The following NUS1 variants were observed in gnomAD, a reference collection of about 807,000 sequenced individuals.
The protein encoded by NUS1 is dehydrodolichyl diphosphate synthase complex subunit NUS1.
For synonymous variants in NUS1, 135 were observed against 155.2 expected (o/e 0.87, Z 0.97); for missense variants, 292 against 382.9 (o/e 0.76, Z 1.98).
chr6:117,676,503 G>C (rs1373799377), intron 1 of NUS1, among the ~76,000 whole-genome samples: 1 of 152,162 alleles, frequency 6.6e-6, no homozygotes, highest in Non-Finnish European at 1.5e-5. Flanking sequence ...GCTGGAACCC[G>C]GGAGGCGGAG....
chr6:117,707,158 T>C lies in NUS1; in HGVS notation c.*143T>C. ...TATCAACAAACACAAAAAAGTGTCT[T>C]ACTTGAGAGTGAGTGTGTGTGTGTG... On this transcript the variant is annotated 3_prime_UTR_variant, in exon 5 of 5. Coordinates refer to ENST00000368494, the MANE Select transcript of NUS1 (RefSeq NM_138459.5). 1.4e-6 allele frequency: 1 copy of C among 714,064 alleles called. No homozygotes were observed. Among genetic ancestry groups the C allele is most frequent in the South Asian group, 1.6e-5 (1 of 61,486 alleles). 44.2% of individuals were successfully genotyped at this position (714,064 alleles called of 1,614,324 possible).
chr6:117,675,557 G>A lies in NUS1; in HGVS notation c.-114G>A. ...TGGCAGTGGAAAGGGGTTCGGGCTC[G>A]GGGGGCGGGGGGACGCGGAGCGATG... On this transcript the variant is annotated 5_prime_UTR_variant, in exon 1 of 5. Coordinates refer to ENST00000368494, the MANE Select transcript of NUS1 (RefSeq NM_138459.5). 4 of 1,129,608 alleles carry A rather than the reference G, an allele frequency of 3.5e-6. No individual in the cohort carries two copies. Among genetic ancestry groups the A allele is most frequent in the Non-Finnish European group, 5.0e-6 (4 of 800,230 alleles). 70.0% of individuals were successfully genotyped at this position (1,129,608 alleles called of 1,614,324 possible).
At chr6:117,680,327 A>G (rs1470132886) in intron 1 of NUS1, among the ~76,000 whole-genome samples, 4 of 152,192 alleles carry the variant, frequency 2.6e-5, no homozygotes, top group Non-Finnish European at 5.9e-5. Context: ...GTTGGGGTAA[A>G]TGGATTTTAT....
chr6:117,691,532 TCAG>T (rs1249290236), intron 1 of NUS1, among the ~76,000 whole-genome samples: 13 of 139,926 alleles, frequency 9.3e-5, no homozygotes, highest in African/African-American at 3.4e-4. Flanking sequence ...TACAGTATAT[TCAG>T]CAGGTTCTGT....
intron 1 of NUS1, among the ~76,000 whole-genome samples, chr6:117,692,552 C>T (rs1200421077): frequency 1.3e-5 from 2 of 152,022 alleles, no homozygotes; most frequent in South Asian, 2.1e-4. Flanking sequence ...TCTCTTTTTA[C>T]GTAATCCTTA....
intron 1 of NUS1, among the ~76,000 whole-genome samples, chr6:117,685,549 G>T (rs890537435): frequency 6.6e-6 from 1 of 151,900 alleles, no homozygotes; most frequent in Non-Finnish European, 1.5e-5. Context: ...ACAGGGTCTT[G>T]CTACATTGCT....
chr6:117,685,809 A>T (rs1032544401), intron 1 of NUS1, among the ~76,000 whole-genome samples: 4 of 152,158 alleles, frequency 2.6e-5, no homozygotes, highest in Non-Finnish European at 5.9e-5. Flanking sequence ...AAAGAATTCA[A>T]ATATCTGTTT....
chr6:117,683,139 C>T (rs927175870), intron 1 of NUS1, among the ~76,000 whole-genome samples: 2 of 152,074 alleles, frequency 1.3e-5, no homozygotes, highest in Admixed American at 6.6e-5. Flanking sequence ...AACAAGATGC[C>T]GAAAAAACCC....
At chr6:117,676,373 G>A (rs1772981705) in intron 1 of NUS1, among the ~76,000 whole-genome samples, 1 of 152,240 alleles carries the variant, frequency 6.6e-6, no homozygotes, top group East Asian at 1.9e-4. Flanking sequence ...GAGGTCGGGA[G>A]TTCGAGACCA....
chr6:117,679,597 A>G (rs571804509), intron 1 of NUS1, among the ~76,000 whole-genome samples: 2 of 152,296 alleles, frequency 1.3e-5, no homozygotes, highest in African/African-American at 2.4e-5. Flanking sequence ...CTGGGACCCA[A>G]AGGTTTCTCC....
intron 3 of NUS1, among the ~76,000 whole-genome samples, chr6:117,697,437 A>G (rs1342123570): frequency 6.6e-6 from 1 of 152,120 alleles, no homozygotes; most frequent in Non-Finnish European, 1.5e-5. Flanking sequence ...AAAGACACAC[A>G]GACTGAAAAT....
intron 3 of NUS1, among the ~76,000 whole-genome samples, chr6:117,699,869 TCA>T: frequency 1.3e-5 from 2 of 152,268 alleles, no homozygotes; most frequent in South Asian, 4.1e-4. Context: ...TCCAGTGAAC[TCA>T]TTTTTTGACA....
chr6:117,703,420 T>C lies in NUS1; in HGVS notation c.692-185T>C, dbSNP rs943609286. Among the ~76,000 whole-genome samples, 5 of 152,176 alleles carry C rather than the reference T, an allele frequency of 3.3e-5. No homozygotes were observed. In the East Asian group the frequency reaches 5.8e-4, roughly 18 times the overall value. On this transcript the variant is annotated intron_variant, in intron 3 of 4. Transcript: ENST00000368494. ...TCCACATTTGGAATGAGCATAGATA[T>C]TAAAGTATGTATTACAGAGTTGGGG...
At chr6:117,690,912 G>C (rs1420928029) in intron 1 of NUS1, among the ~76,000 whole-genome samples, 1 of 147,520 alleles carries the variant, frequency 6.8e-6, no homozygotes, top group Non-Finnish European at 1.5e-5. Flanking sequence ...CCCAGGAGGC[G>C]GAGGTTGCAG....
chr6:117,686,814 T>A (rs1022150677), intron 1 of NUS1, among the ~76,000 whole-genome samples: 4 of 151,530 alleles, frequency 2.6e-5, no homozygotes, highest in African/African-American at 9.7e-5. Context: ...AAAGCCAACC[T>A]TATGTCTTGT....
chr6:117,706,709 G>A (rs1471296910), intron 4 of NUS1, among the ~76,000 whole-genome samples: 2 of 152,074 alleles, frequency 1.3e-5, no homozygotes, highest in Non-Finnish European at 2.9e-5. Context: ...GTGCCTCAGA[G>A]GCTCTCTGCT....
intron 4 of NUS1, among the ~76,000 whole-genome samples, chr6:117,706,221 A>C (rs1053005295): frequency 7.2e-5 from 11 of 152,182 alleles, no homozygotes; most frequent in Non-Finnish European, 1.6e-4. Context: ...GCTTATTTTC[A>C]CACTGTAATT....
intron 1 of NUS1, among the ~76,000 whole-genome samples, chr6:117,690,542 C>A (rs1458469306): frequency 6.6e-6 from 1 of 152,166 alleles, no homozygotes; most frequent in Non-Finnish European, 1.5e-5. Context: ...TCCCTACTCA[C>A]ATTGGTGCTT....
intron 1 of NUS1, among the ~76,000 whole-genome samples, chr6:117,686,289 C>A (rs1283440899): frequency 6.6e-6 from 1 of 150,394 alleles, no homozygotes; most frequent in East Asian, 1.9e-4. Flanking sequence ...CTAGTTTTTT[C>A]GAAAAATACT....
Sources: allele counts gnomAD v4.1 joint callset (sites outside exome capture counted in the v4.1 genomes callset), GRCh38; gene constraint gnomAD v4.1.1; transcripts MANE v1.5; gene names NCBI Gene and HGNC (gene_info 2026-07-23, HGNC 2026-07-21).